The following MSH3 variants were observed in gnomAD, a reference collection of about 807,000 sequenced individuals.
MSH3 encodes the protein DNA mismatch repair protein Msh3.
Under a neutral mutation model 123.3 loss-of-function variants are expected in MSH3, and 106 were observed. The observed-to-expected ratio is 0.86, with a 90% confidence interval of 0.73 to 1.01. The LOEUF is 1.01. Ranked by LOEUF, MSH3 falls within the 50% of genes least tolerant of loss-of-function variation. MSH3 has a pLI of 0.00. For missense variants in MSH3, 1,459 were observed against 1,347.6 expected (o/e 1.08, Z -1.29); for synonymous variants, 515 against 481.4 (o/e 1.07, Z -0.91).
At chr5:80,866,783 G>A (rs899588242) in intron 22 of MSH3, among the ~76,000 whole-genome samples, 1 of 152,126 alleles carries the variant, frequency 6.6e-6, no homozygotes, top group African/African-American at 2.4e-5. Context: ...GCTTACTGAT[G>A]AGCCAAGTTT....
intron 12 of MSH3, among the ~76,000 whole-genome samples, chr5:80,759,867 T>C (rs1744000406): frequency 6.6e-6 from 1 of 152,148 alleles, no homozygotes; most frequent in South Asian, 2.1e-4. Context: ...TGTACAAAGC[T>C]CTGTCTTGCT....
At chr5:80,862,868 A>T (rs1386673133) in intron 21 of MSH3, among the ~76,000 whole-genome samples, 3 of 152,242 alleles carry the variant, frequency 2.0e-5, no homozygotes, top group Non-Finnish European at 2.9e-5. Flanking sequence ...ATACCAACGA[A>T]TAAATGTAGG....
chr5:80,699,547 A>G (rs1425285799), intron 8 of MSH3, among the ~76,000 whole-genome samples: 1 of 135,554 alleles, frequency 7.4e-6, no homozygotes, highest in Non-Finnish European at 1.6e-5. Context: ...AACAGAGTAC[A>G]ACACTGTCTC....
intron 20 of MSH3, among the ~76,000 whole-genome samples, chr5:80,833,374 C>T (rs1267054347): frequency 6.6e-6 from 1 of 152,154 alleles, no homozygotes; most frequent in Non-Finnish European, 1.5e-5. Context: ...CATATTTTAA[C>T]ATCATTGTCT....
intron 12 of MSH3, among the ~76,000 whole-genome samples, chr5:80,755,278 T>G (rs1202365144): frequency 2.0e-5 from 3 of 151,658 alleles, no homozygotes; most frequent in Non-Finnish European, 4.4e-5. Context: ...CCAGGAACTT[T>G]TAGCTGGCCT....
At chr5:80,799,532 T>TTTCA (rs60135681) in intron 19 of MSH3, among the ~76,000 whole-genome samples, 1 of 112,150 alleles carries the variant, frequency 8.9e-6, no homozygotes, top group Admixed American at 1.0e-4. Flanking sequence ...TTTTTTTTTT[T>TTTCA]ACAGAAAATT....
chr5:80,672,986 G>A, intron 6 of MSH3, 128 bp downstream of exon 6: 2 of 764,650 alleles, frequency 2.6e-6, no homozygotes, highest in Non-Finnish European at 4.7e-6. Context: ...GAGGCATTAA[G>A]GTGAACCCTT....
rs537662316 is a variant in MSH3 at position 80,796,669 on chromosome 5, A to G, written c.2655+3825A>G. Among the ~76,000 whole-genome samples, 26 of 152,314 alleles carry G rather than the reference A, an allele frequency of 1.7e-4. No individual in the cohort carries two copies. The South Asian group carries it at 5.0e-3, about 29-fold the overall frequency. ...GCTTTGTACATGTAACTATAAGTAT[A>G]CTTTTCTGTATTCTGTATTACATGA... On this transcript the variant is annotated intron_variant, in intron 19 of 23. Transcript: ENST00000265081.
chr5:80,756,436 G>A (rs565866976), intron 12 of MSH3, among the ~76,000 whole-genome samples: 1 of 152,072 alleles, frequency 6.6e-6, no homozygotes, highest in Non-Finnish European at 1.5e-5. Flanking sequence ...CTGTTCTTAT[G>A]TGCATCCAGA....
chr5:80,808,990 C>T (rs1333194153), intron 19 of MSH3, among the ~76,000 whole-genome samples: 1 of 150,208 alleles, frequency 6.7e-6, no homozygotes, highest in African/African-American at 2.4e-5. Flanking sequence ...TTACATTAGG[C>T]CTAAGCCAAA....
At chr5:80,657,139 G>A (rs991986346) in intron 2 of MSH3, among the ~76,000 whole-genome samples, 3 of 151,974 alleles carry the variant, frequency 2.0e-5, no homozygotes, top group Non-Finnish European at 2.9e-5. Context: ...AAAAGGCATT[G>A]AATAAAAACA....
intron 17 of MSH3, among the ~76,000 whole-genome samples, chr5:80,784,039 G>A (rs928566187): frequency 3.3e-5 from 5 of 151,642 alleles, no homozygotes; most frequent in Middle Eastern, 3.4e-3. Flanking sequence ...GGGAAACCCC[G>A]TCTCTACTAA....
intron 10 of MSH3, among the ~76,000 whole-genome samples, chr5:80,733,880 G>T (rs1290611178): frequency 6.6e-6 from 1 of 152,104 alleles, no homozygotes; most frequent in Non-Finnish European, 1.5e-5. Flanking sequence ...CTATAAAATG[G>T]TACAGCCATT....
At chr5:80,872,450 C>T (rs1746234804) in intron 22 of MSH3, among the ~76,000 whole-genome samples, 1 of 151,418 alleles carries the variant, frequency 6.6e-6, no homozygotes, top group Admixed American at 6.6e-5. Flanking sequence ...GCATGGATGA[C>T]AGAGTCAGAC....
chr5:80,861,379 T>A (rs904297439), intron 21 of MSH3, among the ~76,000 whole-genome samples: 8 of 151,936 alleles, frequency 5.3e-5, no homozygotes, highest in Non-Finnish European at 5.9e-5. Context: ...AAGGCTAGAG[T>A]GGGCTGGAGT....
intron 3 of MSH3, 45 bp from the exon 4 acceptor site, chr5:80,670,052 T>C (rs1339025923): frequency 1.3e-6 from 2 of 1,561,792 alleles, no homozygotes; most frequent in East Asian, 2.3e-5. Context: ...GAACTTATTA[T>C]TGTGGTTAAT....
intron 8 of MSH3, among the ~76,000 whole-genome samples, chr5:80,725,222 A>G (rs1296826719): frequency 6.6e-6 from 1 of 151,420 alleles, no homozygotes; most frequent in Non-Finnish European, 1.5e-5. Flanking sequence ...CTCAAAAAAA[A>G]AAAAAAAAAA....
At chr5:80,835,807 C>T (rs555955158) in intron 20 of MSH3, among the ~76,000 whole-genome samples, 55 of 152,014 alleles carry the variant, frequency 3.6e-4, no homozygotes, top group African/African-American at 1.1e-3. Context: ...CCCAGCTACT[C>T]GGGAGGCTGA....
chr5:80,710,798 C>G (rs1010972752), intron 8 of MSH3, among the ~76,000 whole-genome samples: 3 of 152,100 alleles, frequency 2.0e-5, no homozygotes, highest in Non-Finnish European at 4.4e-5. Flanking sequence ...GAAAAGATTT[C>G]TAGGATCAAG....
Sources: gnomAD v4.1 joint callset for allele counts (sites outside exome capture counted in the v4.1 genomes callset) on GRCh38, gnomAD v4.1.1 for gene constraint, MANE v1.5 for transcripts, NCBI Gene and HGNC (gene_info 2026-07-23, HGNC 2026-07-21) for gene names.